PRKCQ: variants seen among roughly 807,000 people sequenced by gnomAD.
PRKCQ encodes protein kinase C theta type.
Under a neutral mutation model 91.2 loss-of-function variants are expected in PRKCQ, and 41 were observed. The ratio of observed to expected loss-of-function variants is 0.45; its 90% CI spans 0.35 to 0.58. The LOEUF is 0.58. PRKCQ is among the 20% of genes least tolerant of loss of function. The pLI, the probability that PRKCQ is intolerant of heterozygous loss-of-function variation, is 0.00. For missense variants in PRKCQ, 673 were observed against 896.5 expected (o/e 0.75, Z 3.18); for synonymous variants, 307 against 316.9 (o/e 0.97, Z 0.33).
At chr10:6,471,353 C>G (rs761379874) in intron 12 of PRKCQ, among the ~76,000 whole-genome samples, 1 of 152,170 alleles carries the variant, frequency 6.6e-6, no homozygotes, top group Admixed American at 6.5e-5. Context: ...TTCTGGGTCA[C>G]GTAAGCTGAG....
At chr10:6,406,752 C>T in the PRKCQ span, among the ~76,000 whole-genome samples, 5 of 152,116 alleles carry the variant, frequency 3.3e-5, no homozygotes, top group South Asian at 4.1e-4. Flanking sequence ...AATGGCTCAC[C>T]GTCATTACCA....
intron 8 of PRKCQ, chr10:6,489,525 C>T (rs771333994): frequency 2.0e-6 from 1 of 504,342 alleles, no homozygotes; most frequent in Non-Finnish European, 4.1e-6. Context: ...AAGACGACGG[C>T]CTGCAAGGAG....
intron 2 of PRKCQ, among the ~76,000 whole-genome samples, chr10:6,514,273 C>T (rs1838638084): frequency 6.6e-6 from 1 of 152,222 alleles, no homozygotes; most frequent in East Asian, 1.9e-4. Flanking sequence ...GATCTAAACT[C>T]CCTCCTACTT....
chr10:6,546,097 C>T (rs147776119), intron 1 of PRKCQ, among the ~76,000 whole-genome samples: 178 of 152,180 alleles, frequency 1.2e-3, no homozygotes, highest in African/African-American at 3.4e-3. Flanking sequence ...GTGAATTGTC[C>T]GAGGACCTAC....
Position 6,497,347 on chromosome 10 carries a change from A to T in PRKCQ, c.543-96T>A. Reference sequence around the variant, plus strand: ...GGATGAGATCTCATAACCCCCTAAGATCACAGAGCAGTTTCTGATCAGCAG... The same window carrying T: ...GGATGAGATCTCATAACCCCCTAAGTTCACAGAGCAGTTTCTGATCAGCAG... On this transcript the variant is annotated intron_variant, in intron 5 of 17. Coordinates refer to ENST00000263125, the MANE Select transcript of PRKCQ (RefSeq NM_006257.5). This position sits in a 1 kb window ranked among gnomAD's most constrained non-coding sequence, Gnocchi z 4.5. 1 of 1,402,832 alleles carries T rather than the reference A, an allele frequency of 7.1e-7. No individual in the cohort carries two copies. Among genetic ancestry groups the T allele is most frequent in the Non-Finnish European group, 1.0e-6 (1 of 991,166 alleles). The allele number at this position is 1,402,832 out of a possible 1,614,324, so 86.9% of individuals were successfully genotyped here.
the PRKCQ span, among the ~76,000 whole-genome samples, chr10:6,398,042 A>G: frequency 6.6e-6 from 1 of 152,188 alleles, no homozygotes. Flanking sequence ...ATCCATTTTG[A>G]GCTGCTTTTT....
At chr10:6,482,368 G>A (rs1836650548) in intron 11 of PRKCQ, among the ~76,000 whole-genome samples, 1 of 152,216 alleles carries the variant, frequency 6.6e-6, no homozygotes, top group South Asian at 2.1e-4. Flanking sequence ...AGCTGAGACA[G>A]GAGGATCACT....
chr10:6,488,187 C>T (rs1406160167), intron 8 of PRKCQ, among the ~76,000 whole-genome samples: 3 of 152,122 alleles, frequency 2.0e-5, no homozygotes, highest in African/African-American at 4.8e-5. Flanking sequence ...TGCAAAGAAG[C>T]TTAGCACAAT....
chr10:6,485,830 A>G (rs565560542), intron 9 of PRKCQ, among the ~76,000 whole-genome samples: 1 of 152,380 alleles, frequency 6.6e-6, no homozygotes, highest in East Asian at 1.9e-4. Flanking sequence ...AAGATTTTAT[A>G]AAGATCTGCA....
chr10:6,460,188 G>A (rs1252327577), intron 14 of PRKCQ, among the ~76,000 whole-genome samples: 1 of 151,718 alleles, frequency 6.6e-6, no homozygotes, highest in East Asian at 1.9e-4. Context: ...TTTTTTTCTT[G>A]TTGGTGCCTA....
chr10:6,525,201 C>T (rs1030986688), intron 1 of PRKCQ, among the ~76,000 whole-genome samples: 22 of 146,594 alleles, frequency 1.5e-4, no homozygotes, highest in Admixed American at 1.1e-3. Context: ...GTGGTAAAAA[C>T]GATAATTATA....
intron 1 of PRKCQ, among the ~76,000 whole-genome samples, chr10:6,534,799 T>G (rs372776440): frequency 5.4e-5 from 8 of 147,594 alleles, no homozygotes; most frequent in South Asian, 2.1e-4. Context: ...TATAGATATA[T>G]ATATATATAT....
intron 3 of PRKCQ, among the ~76,000 whole-genome samples, chr10:6,508,353 C>T (rs1177425117): frequency 6.6e-6 from 1 of 152,116 alleles, no homozygotes; most frequent in Non-Finnish European, 1.5e-5. Context: ...TCCACGTGAG[C>T]CGGAGTAACT....
chr10:6,437,870 G>T (rs1223948172), intron 16 of PRKCQ, among the ~76,000 whole-genome samples: 1 of 152,052 alleles, frequency 6.6e-6, no homozygotes, highest in Non-Finnish European at 1.5e-5. Context: ...AGCCAGGATG[G>T]TCTGGATCTC....
intron 1 of PRKCQ, among the ~76,000 whole-genome samples, chr10:6,531,749 A>G (rs911062448): frequency 6.6e-6 from 1 of 152,230 alleles, no homozygotes; most frequent in Non-Finnish European, 1.5e-5. Context: ...TGGAATAAGT[A>G]AATGGATGAA....
intron 15 of PRKCQ, among the ~76,000 whole-genome samples, chr10:6,448,400 G>A (rs1039621196): frequency 1.4e-5 from 2 of 146,414 alleles, no homozygotes; most frequent in African/African-American, 5.0e-5. Flanking sequence ...GCCTGGCCAG[G>A]GAAGGTAGCA....
intron 12 of PRKCQ, among the ~76,000 whole-genome samples, chr10:6,476,313 C>CAAAA (rs34526387): frequency 1.1e-4 from 13 of 116,038 alleles, no homozygotes; most frequent in South Asian, 2.9e-4. Context: ...ACATGCAAAT[C>CAAAA]AAAAAAAAAA....
At chr10:6,566,554 G>A (rs1374130951) in intron 1 of PRKCQ, among the ~76,000 whole-genome samples, 2 of 152,158 alleles carry the variant, frequency 1.3e-5, no homozygotes, top group African/African-American at 2.4e-5. Flanking sequence ...TCTGGAAGGT[G>A]AGCATGACCC....
the PRKCQ span, among the ~76,000 whole-genome samples, chr10:6,414,263 A>C: frequency 2.0e-5 from 3 of 152,246 alleles, no homozygotes; most frequent in Non-Finnish European, 4.4e-5. Context: ...CTTAGATCAA[A>C]CATTTTGTTG....
Sources: gnomAD v4.1 joint callset for allele counts (sites outside exome capture counted in the v4.1 genomes callset) on GRCh38, gnomAD v4.1.1 for gene constraint, Gnocchi (gnomAD v3.1) non-coding constraint, MANE v1.5 for transcripts, NCBI Gene and HGNC (gene_info 2026-07-23, HGNC 2026-07-21) for gene names.